SYN3: variants seen among roughly 807,000 people sequenced by gnomAD.
SYN3 encodes the protein synapsin-3.
In SYN3, 35 loss-of-function variants were observed where a neutral mutation model predicts 65.8. The ratio of observed to expected loss-of-function variants is 0.53; its 90% CI spans 0.41 to 0.70. The LOEUF is 0.70. SYN3 is among the 30% of genes least tolerant of loss of function. SYN3 has a pLI of 0.00. For missense variants in SYN3, 680 were observed against 749.0 expected (o/e 0.91, Z 1.08); for synonymous variants, 270 against 292.9 (o/e 0.92, Z 0.80).
chr22:33,009,283 G>C (rs969970025), intron 1 of SYN3, among the ~76,000 whole-genome samples: 1 of 152,068 alleles, frequency 6.6e-6, no homozygotes, highest in Admixed American at 6.6e-5. Flanking sequence ...CTCACATTTG[G>C]TTGTCGTCGT....
At chr22:32,525,304 T>G (rs2057957120) in intron 12 of SYN3, among the ~76,000 whole-genome samples, 1 of 152,162 alleles carries the variant, frequency 6.6e-6, no homozygotes, top group South Asian at 2.1e-4. Flanking sequence ...AGCCTGAAGA[T>G]GTGATGGAAT....
intron 3 of SYN3, among the ~76,000 whole-genome samples, chr22:32,944,593 A>G (rs2051046880): frequency 6.6e-6 from 1 of 152,232 alleles, no homozygotes; most frequent in South Asian, 2.1e-4. Flanking sequence ...TATCATACTG[A>G]ATGGACAAAA....
At chr22:32,564,619 TC>T (rs1381697398) in intron 7 of SYN3, among the ~76,000 whole-genome samples, 1 of 150,854 alleles carries the variant, frequency 6.6e-6, no homozygotes, top group African/African-American at 2.4e-5. Flanking sequence ...CAAGCAGTAC[TC>T]CCAGAATGCA....
intron 7 of SYN3, among the ~76,000 whole-genome samples, chr22:32,585,104 AGAAATACCTCT>A (rs986459972): frequency 2.6e-5 from 4 of 152,228 alleles, no homozygotes; most frequent in African/African-American, 7.2e-5. Context: ...AACAGGGATC[AGAAATACCTCT>A]GAAATACCTC....
intron 1 of SYN3, among the ~76,000 whole-genome samples, chr22:33,015,860 T>TTTA (rs2053456584): frequency 2.0e-5 from 3 of 151,290 alleles, no homozygotes; most frequent in Non-Finnish European, 1.5e-5. Flanking sequence ...TTTTTTTTTT[T>TTTA]AAGACAGTTA....
At position 32,511,100 on chromosome 22, in the gene SYN3, C is replaced by G. The variant is rs1373123340; in HGVS notation, c.*2592G>C. On this transcript the variant is annotated 3_prime_UTR_variant, in exon 14 of 14. Transcript: ENST00000358763. ...CTCTCTTCTGTTAGATTTCTTTTAACAGAATAACTTTAAAAGGTACCCACA... is the reference window on the plus strand; with the variant it reads ...CTCTCTTCTGTTAGATTTCTTTTAAGAGAATAACTTTAAAAGGTACCCACA... Among the ~76,000 whole-genome samples, 1 of 151,858 alleles carries G rather than the reference C, an allele frequency of 6.6e-6. No individual in the cohort carries two copies. Among genetic ancestry groups the G allele is most frequent in the African/African-American group, 2.4e-5 (1 of 41,266 alleles).
intron 12 of SYN3, among the ~76,000 whole-genome samples, chr22:32,526,094 T>C (rs143444916): frequency 2.6e-5 from 4 of 152,298 alleles, no homozygotes; most frequent in Middle Eastern, 3.4e-3. Context: ...ATCATTAAGG[T>C]ATGTACTTTG....
chr22:32,556,298 A>G (rs1227290599), intron 7 of SYN3, among the ~76,000 whole-genome samples: 1 of 152,214 alleles, frequency 6.6e-6, no homozygotes, highest in Non-Finnish European at 1.5e-5. Flanking sequence ...TGGGCAGTGC[A>G]CAAATTCCTG....
chr22:32,749,038 G>T (rs971978580), intron 6 of SYN3, among the ~76,000 whole-genome samples: 5 of 152,002 alleles, frequency 3.3e-5, no homozygotes, highest in Non-Finnish European at 5.9e-5. Flanking sequence ...AATCCACTTG[G>T]GTAGCTGTAA....
chr22:32,666,143 C>T (rs2147037417), intron 6 of SYN3, among the ~76,000 whole-genome samples: 1 of 152,302 alleles, frequency 6.6e-6, no homozygotes, highest in South Asian at 2.1e-4. Flanking sequence ...TGGTCATTTT[C>T]CTCCACCATT....
intron 6 of SYN3, among the ~76,000 whole-genome samples, chr22:32,783,721 T>C (rs1001295466): frequency 6.6e-6 from 1 of 152,216 alleles, no homozygotes; most frequent in Non-Finnish European, 1.5e-5. Context: ...ACTTGCTCTT[T>C]ATCATTATAA....
intron 1 of SYN3, among the ~76,000 whole-genome samples, chr22:33,056,182 CTAT>C (rs1278557814): frequency 2.0e-5 from 3 of 152,108 alleles, no homozygotes; most frequent in Non-Finnish European, 4.4e-5. Flanking sequence ...GTCTTCGTGG[CTAT>C]TATTATTAAA....
chr22:32,787,058 CTTTT>C, intron 6 of SYN3, among the ~76,000 whole-genome samples: 1 of 130,114 alleles, frequency 7.7e-6, no homozygotes, highest in South Asian at 2.5e-4. Flanking sequence ...CTTTTCTTTT[CTTTT>C]TTTTTTTTTT....
intron 1 of SYN3, among the ~76,000 whole-genome samples, chr22:33,021,107 G>T (rs2053552416): frequency 6.6e-6 from 1 of 152,104 alleles, no homozygotes. Context: ...AGGCAACACG[G>T]CAGGTGCAGT....
intron 6 of SYN3, among the ~76,000 whole-genome samples, chr22:32,620,441 G>C (rs1406713162): frequency 6.6e-6 from 1 of 152,076 alleles, no homozygotes; most frequent in Non-Finnish European, 1.5e-5. Flanking sequence ...TTTTGGTATA[G>C]ACAAGGTAAA....
intron 6 of SYN3, among the ~76,000 whole-genome samples, chr22:32,692,177 C>CAAAAAAAAAAAAAAAAAAAAAG (rs2060673135): frequency 1.5e-5 from 1 of 65,972 alleles, no homozygotes; most frequent in Non-Finnish European, 2.5e-5. Context: ...AAAAAAAAAA[C>CAAAAAAAAAAAAAAAAAAAAAG]AGGACGGTCT....
At chr22:32,610,958 T>G (rs575748689) in intron 6 of SYN3, among the ~76,000 whole-genome samples, 6 of 152,328 alleles carry the variant, frequency 3.9e-5, no homozygotes, top group African/African-American at 1.4e-4. Context: ...AGTATTCTGT[T>G]GTATGGATGG....
At chr22:32,923,085 A>G (rs993197918) in intron 4 of SYN3, among the ~76,000 whole-genome samples, 1 of 152,174 alleles carries the variant, frequency 6.6e-6, no homozygotes, top group Non-Finnish European at 1.5e-5. Context: ...GAAAGCTCAT[A>G]GTGTGATTTG....
At chr22:32,928,981 A>T (rs965456008) in intron 4 of SYN3, among the ~76,000 whole-genome samples, 32 of 150,332 alleles carry the variant, frequency 2.1e-4, no homozygotes, top group African/African-American at 6.1e-4. Context: ...AGTTGTGTTT[A>T]AAAAAAAAAT....
Sources: allele counts gnomAD v4.1 joint callset (sites outside exome capture counted in the v4.1 genomes callset), GRCh38; gene constraint gnomAD v4.1.1; transcripts MANE v1.5; gene names NCBI Gene and HGNC (gene_info 2026-07-23, HGNC 2026-07-21).